Variants in ZNF330 observed in about 807,000 individuals in gnomAD.
ZNF330 encodes nucleolar atypical zinc finger.
Under a neutral mutation model 45.5 loss-of-function variants are expected in ZNF330, and 31 were observed. The ratio of observed to expected loss-of-function variants is 0.68; its 90% confidence interval spans 0.51 to 0.92. The LOEUF (loss-of-function observed/expected upper bound fraction) is 0.92. ZNF330 is among the 40% of genes least tolerant of loss of function. The pLI is 0.00. For missense variants in ZNF330, 356 were observed against 387.4 expected, an observed-to-expected ratio of 0.92 and a Z score of 0.68; for synonymous variants, 138 against 123.2, an observed-to-expected ratio of 1.12 and a Z score of -0.79.
rs760603259 is a variant in ZNF330, at chr4:141,229,647, C to G, written c.368C>G (p.Pro123Arg). 1 of 1,613,178 alleles carries G rather than the reference C, an allele frequency of 6.2e-7. No individual in the cohort carries two copies. The highest frequency in any genetic ancestry group is 8.5e-7 in the Non-Finnish European group (1 of 1,179,346). ...CTCAGTACACATGCTTGTGCCTGCC[C>G]TCTTACCGATGCTGAGTGTGTTGAA... ...KCLSTHACAC[P>R]LTDAECVECE... Residue 123 changes from proline to arginine, a missense_variant, in exon 6 of 10, where the codon CCT (proline) becomes CGT (arginine). Coordinates refer to ENST00000262990, the MANE Select transcript of ZNF330 (RefSeq NM_014487.6).
chr4:141,231,606 ATTCTT>A (rs1322772275), intron 8 of ZNF330, 121 bp downstream of exon 8: 4 of 644,098 alleles, frequency 6.2e-6, no homozygotes, highest in Non-Finnish European at 1.0e-5. Context: ...ATGTAGTCTA[ATTCTT>A]TTATTTTTGA....
chr4:141,222,424 G>A lies in ZNF330; in HGVS notation c.53G>A (p.Arg18His), dbSNP rs1298351341. 6.2e-7 allele frequency: 1 copy of A among 1,613,660 alleles called. No homozygotes were observed. The highest frequency in any genetic ancestry group is 8.5e-7 in the Non-Finnish European group (1 of 1,179,778). The part of the protein sequence containing the change: ...ARKKAENRRE[R>H]EKQLRASRST... ...AAGAAGGCTGAGAACCGCCGAGAAC[G>A]TGAAAAACAACTAAGAGCATCAAGA... Residue 18 changes from arginine (R) to histidine (H), a missense_variant, in exon 2 of 10, where the codon CGT (arginine) becomes CAT (histidine). Transcript: ENST00000262990.
chr4:141,222,241 A>G, intron 1 of ZNF330, 125 bp from the exon 2 acceptor site: 1 of 1,148,174 alleles, frequency 8.7e-7, no homozygotes, highest in Non-Finnish European at 1.2e-6. Context: ...GTGCTTAACT[A>G]TCGAAAGGAT....
rs1728914907 is a variant in ZNF330, at chr4:141,230,192, T to C, written c.445T>C (p.Cys149Arg). 6.2e-7 allele frequency: 1 copy of C among 1,610,820 alleles called. No homozygotes were observed. Among genetic ancestry groups the C allele is most frequent in the African/African-American group, 1.3e-5 (1 of 74,780 alleles). Residue 149 changes from cysteine (C) to arginine (R), a missense_variant, in exon 7 of 10, where the codon TGC becomes CGC. By Grantham distance (180) the Cys-to-Arg change is radical. Coordinates refer to ENST00000262990, the MANE Select transcript of ZNF330 (RefSeq NM_014487.6). ...AGGCAGAATATTCAGTTGTTCTTTT[T>C]GCCATAACTTTCTCTGTGAAGATGA... is the stretch of plus-strand genomic sequence containing the variant. ...HGGRIFSCSF[C>R]HNFLCEDDQF...
At chr4:141,230,350 A>C in intron 7 of ZNF330, 80 bp downstream of exon 7, 1 of 784,676 alleles carries the variant, frequency 1.3e-6, no homozygotes, top group South Asian at 2.3e-5. Context: ...AAAAGGAATC[A>C]AGTTTTTTTA....
At chr4:141,229,440 A>AT in intron 5 of ZNF330, 131 bp from the exon 6 acceptor site, 1 of 1,204,052 alleles carries the variant, frequency 8.3e-7, no homozygotes, top group Non-Finnish European at 1.2e-6. Flanking sequence ...AAATGTTTAA[A>AT]TGAAGCGGCC....
intron 4 of ZNF330, among the ~76,000 whole-genome samples, chr4:141,226,075 A>G (rs1279873080): frequency 2.0e-5 from 3 of 152,102 alleles, no homozygotes; most frequent in Admixed American, 2.0e-4. Context: ...TAACTCTCAC[A>G]TAATATCTGA....
intron 5 of ZNF330, among the ~76,000 whole-genome samples, chr4:141,228,667 G>A (rs1728867040): frequency 6.6e-6 from 1 of 152,040 alleles, no homozygotes; most frequent in Non-Finnish European, 1.5e-5. Context: ...TTGATGATTT[G>A]CTAGCTATAC....
chr4:141,226,658 G>GT (rs1044885952), intron 4 of ZNF330, 109 bp from the exon 5 acceptor site: 4 of 761,188 alleles, frequency 5.3e-6, no homozygotes, highest in Middle Eastern at 2.4e-4. Flanking sequence ...AATTTCATTA[G>GT]TTTTTAAATT....
At chr4:141,229,741 G>A in intron 6 of ZNF330, 44 bp downstream of exon 6, 1 of 1,610,194 alleles carries the variant, frequency 6.2e-7, no homozygotes, top group South Asian at 1.1e-5. Context: ...ATAGGTGAAT[G>A]TTGACTTTGA....
In ZNF330 at chr4:141,222,388, C is replaced by A; in HGVS notation, c.17C>A (p.Thr6Asn). Residue 6 changes from threonine (T) to asparagine (N), a missense_variant, in exon 2 of 10, where the codon ACT (threonine) becomes AAT (asparagine). Thr to Asn is a moderately conservative substitution (Grantham distance 65, BLOSUM62 0). Transcript: ENST00000262990. Reference sequence around the variant, plus strand: ...TAGGGGAAAATGCCTAAAAAAAAGACTGGTGCGAGGAAGAAGGCTGAGAAC... The same window carrying A: ...TAGGGGAAAATGCCTAAAAAAAAGAATGGTGCGAGGAAGAAGGCTGAGAAC... MPKKK[T>N]GARKKAENRR... The A allele has an allele frequency of 6.2e-7, 1 of 1,612,788 alleles. No homozygotes were observed.
In ZNF330 at chr4:141,232,628, A is replaced by G. The variant is rs1728986503; in HGVS notation, c.674A>G (p.Asp225Gly). ...GGGCATGAAACTCAGGAGACTAAGGACCTTAGCATGTCAAGTAAGGCCCTT... is the reference window on the plus strand; with the variant it reads ...GGGCATGAAACTCAGGAGACTAAGGGCCTTAGCATGTCAAGTAAGGCCCTT... Reference protein sequence around the residue: ...KCGHETQETKDLSMSTRSLKF... With the variant: ...KCGHETQETKGLSMSTRSLKF... The change falls in exon 9 of 10, where the codon GAC (aspartate) becomes GGC (glycine). Residue 225 changes from aspartate (D) to glycine (G), a missense_variant. By Grantham distance (94) the Asp-to-Gly change is moderately conservative (BLOSUM62 -1). Coordinates refer to ENST00000262990, the MANE Select transcript of ZNF330 (RefSeq NM_014487.6). 1 of 1,565,258 alleles carries G rather than the reference A, an allele frequency of 6.4e-7. No individual in the cohort carries two copies. Among genetic ancestry groups the G allele is most frequent in the Non-Finnish European group, 8.6e-7 (1 of 1,157,708 alleles).
rs764765443 is a variant in ZNF330 at position 141,231,404 on chromosome 4, A to G, written c.524-35A>G. 1.9e-6 allele frequency: 3 copies of G among 1,576,420 alleles called. No individual in the cohort carries two copies. In the South Asian group the frequency reaches 3.5e-5, roughly 19 times the overall value. ...GACAAAAGAAAATTCTAAGAACCAA[A>G]TAACGGGATTTTAAAATTAATCTAT... On this transcript the variant is annotated intron_variant, in intron 7 of 9. Transcript: ENST00000262990.
At position 141,229,633 on chromosome 4, in the gene ZNF330, T is replaced by C; in HGVS notation, c.354T>C (p.His118=). 1 of 1,613,246 alleles carries C rather than the reference T, an allele frequency of 6.2e-7. No individual in the cohort carries two copies. Among genetic ancestry groups the C allele is most frequent in the Non-Finnish European group, 8.5e-7 (1 of 1,179,346 alleles). The change falls in exon 6 of 10, where the codon CAT becomes CAC. Residue 118 remains histidine (H), a synonymous_variant. Transcript: ENST00000262990. ...ATGGTAGGAAATGTCTCAGTACACATGCTTGTGCCTGCCCTCTTACCGATG... is the reference window on the plus strand; with the variant it reads ...ATGGTAGGAAATGTCTCAGTACACACGCTTGTGCCTGCCCTCTTACCGATG... ...VCHGRKCLST[H]ACACPLTDAE...
chr4:141,230,295 C>T (rs367614532), intron 7 of ZNF330, 25 bp downstream of exon 7: 42 of 1,411,418 alleles, frequency 3.0e-5, no homozygotes, highest in South Asian at 2.8e-4. Flanking sequence ...ATTAGATGTT[C>T]TTTATACCCA....
chr4:141,232,625 A>G lies in ZNF330; in HGVS notation c.671A>G (p.Lys224Arg). 6.3e-7 allele frequency: 1 copy of G among 1,579,734 alleles called. No homozygotes were observed. Among genetic ancestry groups the G allele is most frequent in the South Asian group, 1.2e-5 (1 of 83,476 alleles). The change falls in exon 9 of 10, where the codon AAG (lysine) becomes AGG (arginine). Residue 224 changes from lysine (K) to arginine (R), a missense_variant. Coordinates refer to ENST00000262990, the MANE Select transcript of ZNF330 (RefSeq NM_014487.6). ...TGTGGGCATGAAACTCAGGAGACTA[A>G]GGACCTTAGCATGTCAAGTAAGGCC... ...PKCGHETQET[K>R]DLSMSTRSLK...
Sources: allele counts gnomAD v4.1 joint callset (sites outside exome capture counted in the v4.1 genomes callset), GRCh38; gene constraint gnomAD v4.1.1; transcripts MANE v1.5; gene names NCBI Gene and HGNC (gene_info 2026-07-23, HGNC 2026-07-21).